ATP8B4: variants seen among roughly 807,000 people sequenced by gnomAD.
ATP8B4 encodes the protein ATPase phospholipid transporting 8B4 (putative).
In ATP8B4, 133 loss-of-function variants were observed where a neutral mutation model predicts 145.6. That is an observed-to-expected ratio of 0.91 (90% CI 0.79 to 1.05). The LOEUF is 1.05. Ranked by LOEUF, ATP8B4 falls within the 50% of genes least tolerant of loss-of-function variation. The pLI is 0.00. For missense variants in ATP8B4, 1,458 were observed against 1,425.2 expected (o/e 1.02, Z -0.37); for synonymous variants, 507 against 492.9 (o/e 1.03, Z -0.38).
At chr15:49,948,510 G>A (rs2042777984) in intron 14 of ATP8B4, among the ~76,000 whole-genome samples, 1 of 152,142 alleles carries the variant, frequency 6.6e-6, no homozygotes, top group South Asian at 2.1e-4. Context: ...TTATGGAATA[G>A]GAGGAAATAT....
At chr15:50,044,834 T>C (rs1022344870) in intron 4 of ATP8B4, 142 bp from the exon 5 acceptor site, 9 of 587,048 alleles carry the variant, frequency 1.5e-5, no homozygotes, top group Non-Finnish European at 2.3e-5. Context: ...TTTAAGTGTT[T>C]GTATTTGGTT....
At chr15:49,993,597 G>A (rs760131937) in intron 9 of ATP8B4, among the ~76,000 whole-genome samples, 10 of 151,986 alleles carry the variant, frequency 6.6e-5, no homozygotes, top group Non-Finnish European at 1.5e-4. Flanking sequence ...AATCTAATTT[G>A]TATATTGTTT....
intron 20 of ATP8B4, chr15:49,908,215 A>G (rs1216312880): frequency 2.4e-6 from 1 of 410,914 alleles, no homozygotes; most frequent in Non-Finnish European, 4.9e-6. Flanking sequence ...ATCTGTTTGC[A>G]TCTATCTTCC....
intron 1 of ATP8B4, among the ~76,000 whole-genome samples, chr15:50,107,921 A>G: frequency 6.6e-6 from 1 of 152,034 alleles, no homozygotes; most frequent in East Asian, 1.9e-4. Flanking sequence ...GATCCCCGAG[A>G]AGTCTAAAAA....
chr15:49,944,110 C>T (rs941147648), intron 14 of ATP8B4, among the ~76,000 whole-genome samples: 4 of 151,256 alleles, frequency 2.6e-5, no homozygotes, highest in East Asian at 1.9e-4. Flanking sequence ...CATCTTAATA[C>T]GAAAGACTGA....
At chr15:50,169,485 A>G (rs1447001147) in intron 1 of ATP8B4, among the ~76,000 whole-genome samples, 1 of 152,226 alleles carries the variant, frequency 6.6e-6, no homozygotes, top group African/African-American at 2.4e-5. Flanking sequence ...AGGGGAGAGT[A>G]CTATATCAAG....
intron 2 of ATP8B4, among the ~76,000 whole-genome samples, chr15:50,095,776 G>T (rs1457867438): frequency 6.6e-6 from 1 of 151,592 alleles, no homozygotes; most frequent in Non-Finnish European, 1.5e-5. Flanking sequence ...AAAAGAAAGA[G>T]AATTAGACAT....
chr15:50,026,694 G>A (rs1420715759), intron 6 of ATP8B4, among the ~76,000 whole-genome samples: 3 of 152,234 alleles, frequency 2.0e-5, no homozygotes, highest in Non-Finnish European at 4.4e-5. Context: ...CCTCAGTCAT[G>A]TAGCCAATTC....
intron 1 of ATP8B4, among the ~76,000 whole-genome samples, chr15:50,174,839 C>G (rs935620495): frequency 6.6e-6 from 1 of 152,070 alleles, no homozygotes; most frequent in Non-Finnish European, 1.5e-5. Flanking sequence ...ATAGCCAAAG[C>G]AAGATTAAAC....
intron 1 of ATP8B4, among the ~76,000 whole-genome samples, chr15:50,128,853 A>G (rs2057324758): frequency 6.6e-6 from 1 of 152,170 alleles, no homozygotes; most frequent in Non-Finnish European, 1.5e-5. Flanking sequence ...AGAACTCACA[A>G]GGTCAGGAGT....
intron 20 of ATP8B4, among the ~76,000 whole-genome samples, chr15:49,903,914 T>A (rs1397834682): frequency 2.6e-5 from 4 of 151,032 alleles, no homozygotes; most frequent in Non-Finnish European, 4.4e-5. Context: ...AAAAAATCGA[T>A]CTGTTGGAAA....
chr15:50,028,586 T>C (rs1391691566), intron 6 of ATP8B4, among the ~76,000 whole-genome samples: 1 of 152,168 alleles, frequency 6.6e-6, no homozygotes, highest in Non-Finnish European at 1.5e-5. Context: ...CAACAAAATG[T>C]GAGAGTATCC....
intron 12 of ATP8B4, among the ~76,000 whole-genome samples, chr15:49,973,805 C>T (rs1229964207): frequency 1.3e-5 from 2 of 152,140 alleles, no homozygotes; most frequent in African/African-American, 2.4e-5. Context: ...TAAGTTTCTA[C>T]CATCAGATTA....
At chr15:49,910,785 A>G (rs1193260956) in intron 20 of ATP8B4, among the ~76,000 whole-genome samples, 1 of 152,176 alleles carries the variant, frequency 6.6e-6, no homozygotes, top group Non-Finnish European at 1.5e-5. Context: ...ATTTCTAAAT[A>G]AAGTTACTTT....
intron 1 of ATP8B4, chr15:50,114,372 T>G (rs2057100188): frequency 6.6e-6 from 1 of 152,200 alleles, no homozygotes; most frequent in Non-Finnish European, 1.5e-5. Flanking sequence ...ATGTTTGGTT[T>G]TCCATTCCTG....
chr15:49,862,266 T>A lies in ATP8B4; in HGVS notation c.3276A>T (p.Leu1092Phe). 2 of 1,613,626 alleles carry A rather than the reference T, an allele frequency of 1.2e-6. No individual in the cohort carries two copies. The highest frequency in any genetic ancestry group is 2.2e-5 in the South Asian group (2 of 91,064). ...VVAFRFLKVDLYPTLSDQIRR... is the reference protein window; with the variant it reads ...VVAFRFLKVDFYPTLSDQIRR... ...ATACCTGATCACTCAGGGTTGGGTA[T>A]AAATCCACCTTCAAAAATCTGAATG... The change falls in exon 27 of 28, where the codon TTA becomes TTT. Residue 1092 changes from leucine to phenylalanine, a missense_variant. By Grantham distance (22) the Leu-to-Phe change is conservative. Coordinates refer to ENST00000284509, the MANE Select transcript of ATP8B4 (RefSeq NM_024837.4).
At chr15:50,085,456 C>A (rs1283264435) in intron 2 of ATP8B4, among the ~76,000 whole-genome samples, 2 of 152,042 alleles carry the variant, frequency 1.3e-5, no homozygotes, top group Non-Finnish European at 2.9e-5. Flanking sequence ...TTCACAGATA[C>A]TTCTACATAG....
intron 10 of ATP8B4, among the ~76,000 whole-genome samples, chr15:49,986,255 C>T (rs982316349): frequency 6.6e-6 from 1 of 152,136 alleles, no homozygotes; most frequent in African/African-American, 2.4e-5. Flanking sequence ...GATGAAGCAC[C>T]TCCATCTCTA....
At chr15:50,167,182 GA>G (rs1219908566) in intron 1 of ATP8B4, among the ~76,000 whole-genome samples, 2 of 152,042 alleles carry the variant, frequency 1.3e-5, no homozygotes, top group African/African-American at 4.8e-5. Context: ...CAATTTATTT[GA>G]AACACAATGT....
Sources: gnomAD v4.1 joint callset for allele counts (sites outside exome capture counted in the v4.1 genomes callset) on GRCh38, gnomAD v4.1.1 for gene constraint, MANE v1.5 for transcripts, NCBI Gene and HGNC (gene_info 2026-07-23, HGNC 2026-07-21) for gene names.